The following MACROD2 variants were observed in gnomAD, a reference collection of about 807,000 sequenced individuals.
The protein encoded by MACROD2 is mono-ADP ribosylhydrolase 2.
In MACROD2, 36 loss-of-function variants were observed where a neutral mutation model predicts 70.4. The ratio of observed to expected loss-of-function variants is 0.51; its 90% confidence interval spans 0.39 to 0.68. The LOEUF (loss-of-function observed/expected upper bound fraction) is 0.68, where lower values mean the gene tolerates loss of function less well. Among genes scored for constraint, MACROD2 ranks in the 30% least tolerant of loss-of-function variants. MACROD2 has a pLI of 0.00. For missense variants in MACROD2, 496 were observed against 538.4 expected, an observed-to-expected ratio of 0.92 and a Z score of 0.78; for synonymous variants, 172 against 178.8, an observed-to-expected ratio of 0.96 and a Z score of 0.30.
At chr20:15,919,465 G>A (rs561779773) in intron 10 of MACROD2, among the ~76,000 whole-genome samples, 12 of 152,282 alleles carry the variant, frequency 7.9e-5, no homozygotes, top group Non-Finnish European at 1.6e-4. Flanking sequence ...GGCCAGGCAC[G>A]GTGGCTCATG....
rs185016067 is a variant in MACROD2, at chr20:15,698,307, C to T, written c.646-164438C>T. On this transcript the variant is annotated intron_variant, in intron 8 of 17. Transcript: ENST00000684519. ...CTCTCAGCATTTGTTTGTCTGAAAA[C>T]GACTGTACCTTTCCTTCATATATGA... Among the ~76,000 whole-genome samples the T allele has an allele frequency of 3.1e-3, 470 of 152,208 alleles. 3 individuals carry two copies. The highest frequency in any genetic ancestry group is 9.2e-3 in the African/African-American group (382 of 41,558).
At chr20:16,011,399 G>A (rs1219138805) in intron 15 of MACROD2, among the ~76,000 whole-genome samples, 1 of 152,210 alleles carries the variant, frequency 6.6e-6, no homozygotes, top group Non-Finnish European at 1.5e-5. Flanking sequence ...CAAAGTCCCA[G>A]TTGTCCAGAG....
At position 14,780,895 on chromosome 20, in the gene MACROD2, A is replaced by T. The variant is rs1190401369; in HGVS notation, c.418+95936A>T. On this transcript the variant is annotated intron_variant, in intron 5 of 17. Coordinates refer to ENST00000684519, the MANE Select transcript of MACROD2 (RefSeq NM_001351661.2). ...TCAAATACTAAAACTTTTACAAAGA[A>T]ACTTTTTTAGTTTTATTTTATTTTT... Among the ~76,000 whole-genome samples the T allele has an allele frequency of 1.3e-5, 2 of 152,142 alleles. 1 individual carries two copies. Among genetic ancestry groups the T allele is most frequent in the African/African-American group, 4.8e-5 (2 of 41,422 alleles).
At chr20:14,676,585 A>G (rs566552139) in intron 4 of MACROD2, among the ~76,000 whole-genome samples, 1 of 152,362 alleles carries the variant, frequency 6.6e-6, no homozygotes, top group African/African-American at 2.4e-5. Flanking sequence ...AGGGAAATTT[A>G]TAGCACTAAA....
At chr20:15,331,415 A>G (rs899961507) in intron 6 of MACROD2, among the ~76,000 whole-genome samples, 2 of 151,746 alleles carry the variant, frequency 1.3e-5, no homozygotes, top group South Asian at 2.1e-4. Flanking sequence ...ATAAATCAGT[A>G]TATGCATTTA....
chr20:15,807,710 TTTC>T (rs1275273534), intron 8 of MACROD2, among the ~76,000 whole-genome samples: 1 of 152,228 alleles, frequency 6.6e-6, no homozygotes, highest in Admixed American at 6.5e-5. Flanking sequence ...TAATTTCAAA[TTTC>T]TTTTTATTTC....
chr20:15,851,769 A>C (rs2064301702), intron 8 of MACROD2, among the ~76,000 whole-genome samples: 1 of 152,006 alleles, frequency 6.6e-6, no homozygotes, highest in Non-Finnish European at 1.5e-5. Flanking sequence ...ATGCAGGCTG[A>C]CTTCAGGAAG....
rs890976410 is a variant in MACROD2, at chr20:15,664,245, A to G, written c.645+164398A>G. Among the ~76,000 whole-genome samples, 5 of 152,212 alleles carry G rather than the reference A, an allele frequency of 3.3e-5. 1 individual carries two copies. Among genetic ancestry groups the G allele is most frequent in the African/African-American group, 1.2e-4 (5 of 41,440 alleles). ...TAAGAAAATAGGGGGGATGGAAAGC[A>G]AAGGAGGAACTGAAATATTTGGGAA... On this transcript the variant is annotated intron_variant, in intron 8 of 17. Coordinates refer to ENST00000684519, the MANE Select transcript of MACROD2 (RefSeq NM_001351661.2).
At chr20:15,323,345 C>G (rs536249629) in intron 6 of MACROD2, among the ~76,000 whole-genome samples, 5 of 152,220 alleles carry the variant, frequency 3.3e-5, no homozygotes, top group African/African-American at 1.2e-4. Context: ...TGATATTCAA[C>G]TTTTACAAAA....
At chr20:15,296,107 T>C (rs2077585748) in intron 6 of MACROD2, among the ~76,000 whole-genome samples, 1 of 152,230 alleles carries the variant, frequency 6.6e-6, no homozygotes, top group Non-Finnish European at 1.5e-5. Context: ...TACCTACAAC[T>C]GTCTTGGTAA....
intron 5 of MACROD2, among the ~76,000 whole-genome samples, chr20:15,209,544 T>A (rs2076742850): frequency 6.6e-6 from 1 of 152,194 alleles, no homozygotes; most frequent in Non-Finnish European, 1.5e-5. Context: ...AATCCTAGTG[T>A]CTCTGAAATT....
At chr20:14,952,671 TC>T (rs2074485327) in intron 5 of MACROD2, among the ~76,000 whole-genome samples, 1 of 152,164 alleles carries the variant, frequency 6.6e-6, no homozygotes, top group African/African-American at 2.4e-5. Context: ...TTGTGATATT[TC>T]TATCATCATA....
chr20:15,966,016 G>T (rs542255699), intron 12 of MACROD2, among the ~76,000 whole-genome samples: 1 of 152,120 alleles, frequency 6.6e-6, no homozygotes, highest in African/African-American at 2.4e-5. Context: ...AACTACCCAG[G>T]TTTCTCACTT....
rs1381955860 is a variant in MACROD2 at position 14,878,231 on chromosome 20, A to T, written c.418+193272A>T. Reference sequence around the variant, plus strand: ...TTGCCATTTTACATTCCTTAGTCTGAAGAAGGGAAGAAAGAGAACATCCTT... The same window carrying T: ...TTGCCATTTTACATTCCTTAGTCTGTAGAAGGGAAGAAAGAGAACATCCTT... On this transcript the variant is annotated intron_variant, in intron 5 of 17. Coordinates refer to ENST00000684519, the MANE Select transcript of MACROD2 (RefSeq NM_001351661.2). Among the ~76,000 whole-genome samples the T allele has an allele frequency of 2.0e-5, 3 of 152,150 alleles. No homozygotes were observed. The East Asian group carries it at 5.8e-4, about 29-fold the overall frequency.
At chr20:15,089,970 G>A (rs1337950833) in intron 5 of MACROD2, among the ~76,000 whole-genome samples, 1 of 152,076 alleles carries the variant, frequency 6.6e-6, no homozygotes, top group Non-Finnish European at 1.5e-5. Context: ...TATGAAACAA[G>A]AGCATAAGCC....
chr20:15,599,613 C>T (rs2048792248), intron 8 of MACROD2, among the ~76,000 whole-genome samples: 1 of 152,104 alleles, frequency 6.6e-6, no homozygotes, highest in African/African-American at 2.4e-5. Context: ...TAATGAGAAC[C>T]AAATAAGCTA....
At chr20:14,416,594 G>A (rs961213112) in intron 3 of MACROD2, among the ~76,000 whole-genome samples, 2 of 152,152 alleles carry the variant, frequency 1.3e-5, no homozygotes, top group Admixed American at 6.5e-5. Context: ...AAATTGAGTC[G>A]TATTGAAGCC....
At chr20:16,036,907 C>T (rs777336144) in intron 15 of MACROD2, among the ~76,000 whole-genome samples, 4 of 151,992 alleles carry the variant, frequency 2.6e-5, no homozygotes, top group Non-Finnish European at 5.9e-5. Flanking sequence ...CATGTGCACT[C>T]ATGATATTAA....
chr20:15,145,277 T>G (rs967373942), intron 5 of MACROD2, among the ~76,000 whole-genome samples: 1 of 152,194 alleles, frequency 6.6e-6, no homozygotes, highest in African/African-American at 2.4e-5. Context: ...GATGTAAGTC[T>G]TTGGGATTTA....
Sources: allele counts gnomAD v4.1 joint callset (sites outside exome capture counted in the v4.1 genomes callset), GRCh38; gene constraint gnomAD v4.1.1; transcripts MANE v1.5; gene names NCBI Gene and HGNC (gene_info 2026-07-23, HGNC 2026-07-21).